The following ADGRE1 variants were observed in gnomAD, a reference collection of about 807,000 sequenced individuals.
The protein encoded by ADGRE1 is EGF-like module receptor 1.
ADGRE1 carries 82 observed loss-of-function variants against 102.7 expected under a neutral mutation model. The ratio of observed to expected loss-of-function variants is 0.80; its 90% CI spans 0.67 to 0.96. The LOEUF is 0.96. ADGRE1 is among the 40% of genes least tolerant of loss of function. ADGRE1 has a pLI of 0.00. For synonymous variants in ADGRE1, 398 were observed against 399.6 expected (o/e 1.00, Z 0.05); for missense variants, 1,032 against 1,085.3 (o/e 0.95, Z 0.69).
chr19:6,908,666 T>TC, intron 9 of ADGRE1, 23 bp from the exon 10 acceptor site: 1 of 1,479,668 alleles, frequency 6.8e-7, no homozygotes, highest in Non-Finnish European at 9.1e-7. Flanking sequence ...CAAATGCTCT[T>TC]TTTTTTTTTT....
intron 15 of ADGRE1, among the ~76,000 whole-genome samples, chr19:6,925,747 G>A (rs1381266603): frequency 1.3e-5 from 2 of 151,612 alleles, no homozygotes; most frequent in African/African-American, 4.9e-5. Flanking sequence ...TGTCACCCAG[G>A]CTAGAGTGCA....
chr19:6,933,682 C>T (rs747003672), intron 17 of ADGRE1, among the ~76,000 whole-genome samples: 11 of 152,048 alleles, frequency 7.2e-5, no homozygotes, highest in South Asian at 4.1e-4. Flanking sequence ...CCACCGCTCC[C>T]GACCAGAAGA....
intron 14 of ADGRE1, 76 bp from the exon 15 acceptor site, chr19:6,924,602 T>A (rs1448750282): frequency 1.4e-6 from 2 of 1,411,844 alleles, no homozygotes; most frequent in Non-Finnish European, 2.0e-6. Flanking sequence ...GAGCCAGGGT[T>A]TTAGATAACT....
intron 17 of ADGRE1, among the ~76,000 whole-genome samples, chr19:6,934,317 A>T (rs1214040697): frequency 6.6e-6 from 1 of 151,972 alleles, no homozygotes; most frequent in Admixed American, 6.6e-5. Flanking sequence ...GCTGTCAATT[A>T]CTAACTAAGT....
intron 6 of ADGRE1, among the ~76,000 whole-genome samples, chr19:6,902,525 C>G (rs558270864): frequency 1.5e-3 from 234 of 152,072 alleles, no homozygotes; most frequent in African/African-American, 5.5e-3. Context: ...ACTGCAACCT[C>G]CCCCTCCTGG....
At chr19:6,906,209 G>A (rs867350607) in intron 8 of ADGRE1, among the ~76,000 whole-genome samples, 16 of 152,084 alleles carry the variant, frequency 1.1e-4, no homozygotes, top group South Asian at 8.3e-4. Context: ...CCTCTAAGAG[G>A]CATGATATTG....
intron 17 of ADGRE1, among the ~76,000 whole-genome samples, chr19:6,931,288 T>C (rs1381162395): frequency 6.6e-6 from 1 of 152,180 alleles, no homozygotes; most frequent in Non-Finnish European, 1.5e-5. Flanking sequence ...TTTGTGCTGA[T>C]GTCTATCAGA....
At chr19:6,905,414 G>A (rs886491533) in intron 8 of ADGRE1, among the ~76,000 whole-genome samples, 10 of 150,276 alleles carry the variant, frequency 6.7e-5, no homozygotes, top group South Asian at 2.1e-4. Flanking sequence ...GTGCAGGGGC[G>A]CGATCTCAGC....
At chr19:6,901,109 T>C (rs1973749974) in intron 5 of ADGRE1, among the ~76,000 whole-genome samples, 1 of 152,234 alleles carries the variant, frequency 6.6e-6, no homozygotes, top group East Asian at 1.9e-4. Flanking sequence ...GTGTAGAGTA[T>C]GCTCTTTCTT....
At chr19:6,899,350 T>C (rs1382993288) in intron 5 of ADGRE1, among the ~76,000 whole-genome samples, 1 of 152,076 alleles carries the variant, frequency 6.6e-6, no homozygotes, top group Non-Finnish European at 1.5e-5. Context: ...CCAAGAATAA[T>C]CTGACCCTAA....
intron 9 of ADGRE1, 72 bp from the exon 10 acceptor site, chr19:6,908,617 T>C: frequency 2.2e-6 from 3 of 1,381,232 alleles, no homozygotes; most frequent in Non-Finnish European, 2.0e-6. Context: ...GGCTAATTTG[T>C]AGATTACATG....
rs1023923163 is a variant in ADGRE1 at position 6,931,829 on chromosome 19, T to TA, written c.2290-3157dup. 1.6e-3 allele frequency among the ~76,000 whole-genome samples: 240 copies of TA among 151,948 alleles called. 2 individuals carry two copies. The highest frequency in any genetic ancestry group is 5.6e-3 in the African/African-American group (231 of 41,450). On this transcript the variant is annotated intron_variant, in intron 17 of 20. Transcript: ENST00000312053. ...GAAAAAAAAAAAGGAACACTAGTCA[T>TA]ATTTCAGTCAGATTAGGGTCTGCCC...
chr19:6,936,779 T>C (rs1975424253), intron 18 of ADGRE1, among the ~76,000 whole-genome samples: 1 of 152,000 alleles, frequency 6.6e-6, no homozygotes, highest in Non-Finnish European at 1.5e-5. Context: ...TCTGCCACCG[T>C]GCCCGGCTAA....
chr19:6,920,375 A>G (rs1287318865), intron 13 of ADGRE1, among the ~76,000 whole-genome samples: 1 of 151,342 alleles, frequency 6.6e-6, no homozygotes, highest in Non-Finnish European at 1.5e-5. Flanking sequence ...GCCCGCCACC[A>G]TGACCGGCTA....
chr19:6,908,477 T>C (rs1400010611), intron 9 of ADGRE1, among the ~76,000 whole-genome samples: 1 of 152,168 alleles, frequency 6.6e-6, no homozygotes, highest in Non-Finnish European at 1.5e-5. Context: ...TATTTGTTTA[T>C]GTTTGCTTTT....
intron 2 of ADGRE1, among the ~76,000 whole-genome samples, chr19:6,891,807 G>A (rs1267606477): frequency 6.6e-6 from 1 of 152,118 alleles, no homozygotes; most frequent in East Asian, 1.9e-4. Context: ...TTTTCTCAAG[G>A]AAGTGATGTT....
chr19:6,920,850 T>C (rs1174558612), intron 13 of ADGRE1, among the ~76,000 whole-genome samples: 1 of 152,194 alleles, frequency 6.6e-6, no homozygotes, highest in Non-Finnish European at 1.5e-5. Flanking sequence ...CTTAAACTGT[T>C]ACTAAAAATA....
At chr19:6,911,987 A>G (rs940345628) in intron 10 of ADGRE1, among the ~76,000 whole-genome samples, 2 of 151,876 alleles carry the variant, frequency 1.3e-5, no homozygotes, top group African/African-American at 4.8e-5. Context: ...ATCTACACAC[A>G]GATACACACA....
In ADGRE1 at chr19:6,935,937, T is replaced by C. The variant is rs148335062; in HGVS notation, c.2381+859T>C. 4.8e-3 allele frequency among the ~76,000 whole-genome samples: 728 copies of C among 152,332 alleles called. 8 individuals are homozygous for C. Among genetic ancestry groups the C allele is most frequent in the African/African-American group, 0.015 (638 of 41,566 alleles). On this transcript the variant is annotated intron_variant, in intron 18 of 20. Coordinates refer to ENST00000312053, the MANE Select transcript of ADGRE1 (RefSeq NM_001974.5). ...CTCATTACTTTTGTTATACATATTT[T>C]ATATTAGGGATTTGGGACTTCTTAA...
Sources: allele counts gnomAD v4.1 joint callset (sites outside exome capture counted in the v4.1 genomes callset), GRCh38; gene constraint gnomAD v4.1.1; transcripts MANE v1.5; gene names NCBI Gene and HGNC (gene_info 2026-07-23, HGNC 2026-07-21).